Variants in PRIM2 observed in about 807,000 individuals in gnomAD.
PRIM2 encodes the protein DNA primase large subunit.
Under a neutral mutation model 67.3 loss-of-function variants are expected in PRIM2, and 39 were observed. The observed-to-expected ratio is 0.58, with a 90% CI of 0.45 to 0.76. The LOEUF (loss-of-function observed/expected upper bound fraction) is 0.76, where lower values mean the gene tolerates loss of function less well. Ranked by LOEUF, PRIM2 falls within the 30% of genes least tolerant of loss-of-function variation. PRIM2 has a pLI of 0.00. For synonymous variants in PRIM2, 143 were observed against 198.7 expected (o/e 0.72, Z 2.36); for missense variants, 398 against 598.7 (o/e 0.66, Z 3.50).
At chr6:57,591,334 C>T (rs1776278404) in intron 10 of PRIM2, among the ~76,000 whole-genome samples, 1 of 152,156 alleles carries the variant, frequency 6.6e-6, no homozygotes, top group South Asian at 2.1e-4. Flanking sequence ...AGAATATGTG[C>T]TAAGAAAAGG....
chr6:57,395,693 T>C (rs868487042), intron 7 of PRIM2, among the ~76,000 whole-genome samples: 7 of 152,248 alleles, frequency 4.6e-5, no homozygotes, highest in South Asian at 2.1e-4. Context: ...TTATTTCCTT[T>C]CTTCTGCTGG....
At chr6:57,645,572 G>C (rs1777321197) in intron 13 of PRIM2, among the ~76,000 whole-genome samples, 1 of 150,992 alleles carries the variant, frequency 6.6e-6, no homozygotes, top group African/African-American at 2.4e-5. Flanking sequence ...CAATCACTGA[G>C]AGCAAAGGAT....
At chr6:57,268,739 C>T in the PRIM2 span, among the ~76,000 whole-genome samples, 4 of 149,834 alleles carry the variant, frequency 2.7e-5, no homozygotes, top group African/African-American at 7.4e-5. Context: ...CCCATTAACT[C>T]GTCATTTAGC....
the PRIM2 span, among the ~76,000 whole-genome samples, chr6:57,235,195 G>C: frequency 6.6e-6 from 1 of 152,146 alleles, no homozygotes; most frequent in Non-Finnish European, 1.5e-5. Context: ...AGGCACGGTG[G>C]CTCATGGCTG....
chr6:57,542,591 TATAAA>T (rs1162392676), intron 10 of PRIM2, among the ~76,000 whole-genome samples: 13 of 152,244 alleles, frequency 8.5e-5, no homozygotes, highest in Middle Eastern at 6.8e-3. Flanking sequence ...CAAAAATTCT[TATAAA>T]AGAAAATAAA....
chr6:57,463,841 ACTGGTCT>A (rs1433223178), intron 7 of PRIM2, among the ~76,000 whole-genome samples: 1 of 152,104 alleles, frequency 6.6e-6, no homozygotes, highest in Non-Finnish European at 1.5e-5. Context: ...TGGCCTACTC[ACTGGTCT>A]TGAATCAGCA....
the PRIM2 span, among the ~76,000 whole-genome samples, chr6:57,270,016 C>T: frequency 6.6e-6 from 1 of 152,216 alleles, no homozygotes; most frequent in East Asian, 1.9e-4. Flanking sequence ...CAGTACCATG[C>T]TGTTTTGGTT....
chr6:57,470,838 C>T (rs1454093217), intron 7 of PRIM2, among the ~76,000 whole-genome samples: 2 of 152,098 alleles, frequency 1.3e-5, no homozygotes, highest in African/African-American at 2.4e-5. Flanking sequence ...ATGCTTTCTT[C>T]TCAGCGTTTG....
chr6:57,637,563 G>A (rs1777143216), intron 13 of PRIM2, among the ~76,000 whole-genome samples: 1 of 152,070 alleles, frequency 6.6e-6, no homozygotes, highest in Non-Finnish European at 1.5e-5. Context: ...GAACATAAAT[G>A]ACCTGATGGA....
chr6:57,298,469 A>C, the PRIM2 span, among the ~76,000 whole-genome samples: 1 of 152,040 alleles, frequency 6.6e-6, no homozygotes, highest in Non-Finnish European at 1.5e-5. Context: ...GAGAACAAAG[A>C]GATGAGGAGT....
chr6:57,566,519 A>C (rs1475719329), intron 10 of PRIM2, among the ~76,000 whole-genome samples: 122 of 152,294 alleles, frequency 8.0e-4, no homozygotes, highest in African/African-American at 2.7e-3. Context: ...TCCATTCTGC[A>C]CCTTAGTATT....
chr6:57,582,641 C>T (rs1401482213), intron 10 of PRIM2, among the ~76,000 whole-genome samples: 3 of 151,944 alleles, frequency 2.0e-5, no homozygotes, highest in South Asian at 2.1e-4. Flanking sequence ...TTTGTTTAAC[C>T]GTGGTTCAGT....
At position 57,474,421 on chromosome 6, in the gene PRIM2, G is replaced by A. The variant is rs1400969369; in HGVS notation, c.694-32966G>A. Among the ~76,000 whole-genome samples, 589 of 152,026 alleles carry A rather than the reference G, an allele frequency of 3.9e-3. 3 individuals are homozygous for A. The highest frequency in any genetic ancestry group is 0.013 in the African/African-American group (553 of 41,484). On this transcript the variant is annotated intron_variant, in intron 7 of 13. Transcript: ENST00000615550. ...TATCTCCTGACCTCGTGATCTGCCC[G>A]CCTCAGCCTCCCAAAGTGCTGGGAT...
chr6:57,273,374 A>G, the PRIM2 span, among the ~76,000 whole-genome samples: 5 of 152,000 alleles, frequency 3.3e-5, no homozygotes, highest in African/African-American at 1.2e-4. Context: ...CATTTCATTC[A>G]TTTCATCTTC....
At chr6:57,464,351 C>T (rs1329437712) in intron 7 of PRIM2, among the ~76,000 whole-genome samples, 9 of 151,976 alleles carry the variant, frequency 5.9e-5, no homozygotes, top group Non-Finnish European at 1.2e-4. Flanking sequence ...GATCTCAGCT[C>T]ACTTCAACCT....
chr6:57,330,941 G>T (rs1244603865), intron 5 of PRIM2, among the ~76,000 whole-genome samples: 1 of 152,012 alleles, frequency 6.6e-6, no homozygotes, highest in African/African-American at 2.4e-5. Context: ...CCAGCACTTT[G>T]GGAGGCCGAG....
At chr6:57,584,859 G>A (rs1243662587) in intron 10 of PRIM2, among the ~76,000 whole-genome samples, 1 of 152,146 alleles carries the variant, frequency 6.6e-6, no homozygotes, top group Non-Finnish European at 1.5e-5. Context: ...AAGAGATTGA[G>A]GTAACTTATA....
chr6:57,223,709 A>G, the PRIM2 span, among the ~76,000 whole-genome samples: 1 of 152,226 alleles, frequency 6.6e-6, no homozygotes, highest in Non-Finnish European at 1.5e-5. Flanking sequence ...CGATGAGCAC[A>G]TGAAAAGAGA....
intron 10 of PRIM2, among the ~76,000 whole-genome samples, chr6:57,583,624 C>T (rs1177073404): frequency 4.6e-5 from 7 of 151,428 alleles, no homozygotes; most frequent in African/African-American, 9.7e-5. Flanking sequence ...TGAATAATGC[C>T]GCAATAAACA....
Sources: gnomAD v4.1 joint callset for allele counts (sites outside exome capture counted in the v4.1 genomes callset) on GRCh38, gnomAD v4.1.1 for gene constraint, MANE v1.5 for transcripts, NCBI Gene and HGNC (gene_info 2026-07-23, HGNC 2026-07-21) for gene names.